Variants in SDK1 observed in about 807,000 individuals in gnomAD.
SDK1 encodes the protein protein sidekick-1.
SDK1 carries 157 observed loss-of-function variants against 245.5 expected under a neutral mutation model. That is an observed-to-expected ratio of 0.64 (90% CI 0.56 to 0.73). SDK1 has a LOEUF of 0.73. Among genes scored for constraint, SDK1 ranks in the 30% least tolerant of loss-of-function variants. SDK1 has a pLI of 0.00. For synonymous variants in SDK1, 1,647 were observed against 1,278.5 expected, an observed-to-expected ratio of 1.29 and a Z score of -6.15; for missense variants, 3,583 against 3,002.3, an observed-to-expected ratio of 1.19 and a Z score of -4.52.
chr7:3,992,490 G>C (rs559118083), intron 14 of SDK1, among the ~76,000 whole-genome samples: 1 of 152,312 alleles, frequency 6.6e-6, no homozygotes, highest in Non-Finnish European at 1.5e-5. Context: ...TGGCGGATGA[G>C]GGAAGCCTGG....
chr7:4,106,609 G>A (rs1363309228), intron 22 of SDK1, among the ~76,000 whole-genome samples: 1 of 152,148 alleles, frequency 6.6e-6, no homozygotes, highest in Admixed American at 6.5e-5. Flanking sequence ...CCCCGTTTGT[G>A]ACCGTGCAGT....
chr7:3,429,337 T>C (rs1201811637), intron 1 of SDK1, among the ~76,000 whole-genome samples: 3 of 151,952 alleles, frequency 2.0e-5, no homozygotes, highest in South Asian at 2.1e-4. Flanking sequence ...GCAGGTGTTA[T>C]AGTTGTTATT....
intron 1 of SDK1, among the ~76,000 whole-genome samples, chr7:3,314,668 TC>T (rs1284197211): frequency 6.6e-6 from 1 of 152,240 alleles, no homozygotes; most frequent in Non-Finnish European, 1.5e-5. Context: ...CATCTGCATC[TC>T]TAACTTTGCT....
chr7:4,093,197 C>A (rs963511336), intron 22 of SDK1, among the ~76,000 whole-genome samples: 1 of 151,900 alleles, frequency 6.6e-6, no homozygotes, highest in Non-Finnish European at 1.5e-5. Context: ...GTAGAGTGAG[C>A]AAAACATCTC....
chr7:4,166,524 C>T (rs979706304), intron 32 of SDK1, among the ~76,000 whole-genome samples: 3 of 152,218 alleles, frequency 2.0e-5, no homozygotes, highest in Non-Finnish European at 4.4e-5. Flanking sequence ...GAAAGGCTCA[C>T]GGGTGACGTC....
Position 4,026,830 on chromosome 7 carries a change from G to A in SDK1, c.2602+9478G>A, listed in dbSNP as rs991539306. ...AACGATAACACCCGGCACACAAACG[G>A]CAATATGTACACCCACCCAGCGGTG... On this transcript the variant is annotated intron_variant, in intron 17 of 44. Transcript: ENST00000404826. The surrounding 1 kb of genome is among the most constrained non-coding windows in gnomAD (Gnocchi z 4.1). 6.6e-6 allele frequency among the ~76,000 whole-genome samples: 1 copy of A among 152,152 alleles called. No homozygotes were observed. Among genetic ancestry groups the A allele is most frequent in the African/African-American group, 2.4e-5 (1 of 41,438 alleles).
chr7:3,824,948 G>A (rs1430614521), intron 5 of SDK1, among the ~76,000 whole-genome samples: 2 of 152,100 alleles, frequency 1.3e-5, no homozygotes, highest in East Asian at 3.9e-4. Context: ...TATTCCTGTA[G>A]GGAAGGAGAG....
intron 17 of SDK1, among the ~76,000 whole-genome samples, chr7:4,022,623 G>A (rs1786991972): frequency 6.6e-6 from 1 of 152,090 alleles, no homozygotes; most frequent in African/African-American, 2.4e-5. Context: ...GGAGGTAGCA[G>A]CTCATTCTTC....
At chr7:4,232,082 G>C (rs1202395324) in intron 40 of SDK1, among the ~76,000 whole-genome samples, 4 of 135,660 alleles carry the variant, frequency 2.9e-5, no homozygotes, top group Non-Finnish European at 6.2e-5. Context: ...AGCCTCCTTA[G>C]AATTGAATTT....
At chr7:4,248,327 C>G (rs1179625325) in intron 44 of SDK1, among the ~76,000 whole-genome samples, 1 of 147,626 alleles carries the variant, frequency 6.8e-6, no homozygotes, top group East Asian at 1.9e-4. Context: ...CACACATATA[C>G]ATATACACCT....
At chr7:4,216,025 C>G (rs940164184) in intron 38 of SDK1, among the ~76,000 whole-genome samples, 1 of 152,182 alleles carries the variant, frequency 6.6e-6, no homozygotes, top group African/African-American at 2.4e-5. Flanking sequence ...TCCCAGCTGA[C>G]TCTGCAGATA....
chr7:3,367,126 T>G (rs990479913), intron 1 of SDK1, among the ~76,000 whole-genome samples: 3 of 152,084 alleles, frequency 2.0e-5, no homozygotes, highest in Non-Finnish European at 2.9e-5. Context: ...CATTGGTCTT[T>G]TGACTTTGCC....
Position 3,821,667 on chromosome 7 carries a change from G to C in SDK1, c.847+84G>C, listed in dbSNP as rs1779649260. ...TAACCACTGTCTGACAGGACATTTTGCAATAAATTTTCTCTCTCTAGTGTA... is the reference window on the plus strand; with the variant it reads ...TAACCACTGTCTGACAGGACATTTTCCAATAAATTTTCTCTCTCTAGTGTA... On this transcript the variant is annotated intron_variant, in intron 5 of 44. Coordinates refer to ENST00000404826, the MANE Select transcript of SDK1 (RefSeq NM_152744.4). 4.1e-6 allele frequency: 6 copies of C among 1,470,462 alleles called. No homozygotes were observed. In the Admixed American group the frequency reaches 9.6e-5, roughly 24 times the overall value. The allele number at this position is 1,470,462 out of a possible 1,614,324, so 91.1% of individuals were successfully genotyped here.
chr7:4,199,300 C>T (rs1384675172), intron 35 of SDK1, among the ~76,000 whole-genome samples: 1 of 152,110 alleles, frequency 6.6e-6, no homozygotes, highest in Admixed American at 6.5e-5. Flanking sequence ...ACTGTACGGG[C>T]CAGGAAGCAC....
At chr7:4,197,575 G>A (rs1187558893) in intron 35 of SDK1, among the ~76,000 whole-genome samples, 1 of 152,206 alleles carries the variant, frequency 6.6e-6, no homozygotes, top group Non-Finnish European at 1.5e-5. Context: ...CAGCCGGGCT[G>A]GGCTCGTGTG....
In SDK1 at chr7:3,393,220, C is replaced by A. The variant is rs562498538; in HGVS notation, c.298+91336C>A. ...CTCCTGACCTCAGGTGATCCACCTACCTCAGCCTCCCACAGTGCTGGGATT... is the reference window on the plus strand; with the variant it reads ...CTCCTGACCTCAGGTGATCCACCTAACTCAGCCTCCCACAGTGCTGGGATT... On this transcript the variant is annotated intron_variant, in intron 1 of 44. Coordinates refer to ENST00000404826, the MANE Select transcript of SDK1 (RefSeq NM_152744.4). Among the ~76,000 whole-genome samples the A allele has an allele frequency of 2.0e-5, 3 of 152,082 alleles. No homozygotes were observed. The South Asian group carries it at 6.2e-4, about 32-fold the overall frequency.
At chr7:3,656,896 G>A (rs909587925) in intron 4 of SDK1, among the ~76,000 whole-genome samples, 3 of 151,880 alleles carry the variant, frequency 2.0e-5, no homozygotes, top group African/African-American at 7.3e-5. Flanking sequence ...TACAGGCGCC[G>A]GCCACCGCGC....
intron 1 of SDK1, among the ~76,000 whole-genome samples, chr7:3,332,033 C>T (rs1006991744): frequency 2.0e-5 from 3 of 152,016 alleles, no homozygotes; most frequent in Admixed American, 2.0e-4. Flanking sequence ...AGTATTAAGC[C>T]TCTTTATGCT....
Position 4,091,353 on chromosome 7 carries a change from T to G in SDK1, c.3324+11769T>G, listed in dbSNP as rs550785722. Among the ~76,000 whole-genome samples the G allele has an allele frequency of 1.1e-3, 157 of 145,572 alleles. 2 individuals are homozygous for G. In the East Asian group the frequency reaches 0.027, roughly 25 times the overall value. The stretch of plus-strand genomic sequence containing the variant: ...TCTTTTCTTTTTTTTTTTTTTTTTT[T>G]TTTGTTTGAGACAGAGTCTCACTCT... On this transcript the variant is annotated intron_variant, in intron 22 of 44. Transcript: ENST00000404826.
Sources: allele counts gnomAD v4.1 joint callset (sites outside exome capture counted in the v4.1 genomes callset), GRCh38; gene constraint gnomAD v4.1.1; non-coding constraint Gnocchi (gnomAD v3.1); transcripts MANE v1.5; gene names NCBI Gene and HGNC (gene_info 2026-07-23, HGNC 2026-07-21).